The following ASCC3 variants were observed in gnomAD, a reference collection of about 807,000 sequenced individuals.
The protein encoded by ASCC3 is ASC-1 complex subunit P200.
In ASCC3, 158 loss-of-function variants were observed where a neutral mutation model predicts 256.3. That is an observed-to-expected ratio of 0.62 (90% CI 0.54 to 0.70). The LOEUF is 0.70. Among genes scored for constraint, ASCC3 ranks in the 30% least tolerant of loss-of-function variants. The pLI is 0.00. For synonymous variants in ASCC3, 948 were observed against 883.4 expected (o/e 1.07, Z -1.30); for missense variants, 2,259 against 2,626.0 (o/e 0.86, Z 3.05).
At chr6:100,717,655 G>T (rs1477473530) in intron 12 of ASCC3, among the ~76,000 whole-genome samples, 1 of 151,980 alleles carries the variant, frequency 6.6e-6, no homozygotes, top group East Asian at 1.9e-4. Flanking sequence ...TTGCTACTAT[G>T]ATATTATTTT....
intron 5 of ASCC3, among the ~76,000 whole-genome samples, chr6:100,801,014 C>T (rs1769891530): frequency 6.6e-6 from 1 of 151,916 alleles, no homozygotes; most frequent in African/African-American, 2.4e-5. Flanking sequence ...TAGTTCAAGA[C>T]ATATTTGAGA....
chr6:100,710,317 C>T (rs1778802734), intron 13 of ASCC3, among the ~76,000 whole-genome samples: 1 of 152,120 alleles, frequency 6.6e-6, no homozygotes, highest in South Asian at 2.1e-4. Context: ...TGTGTGCATT[C>T]TCCATTCCTA....
chr6:100,798,373 T>G (rs1769737446), intron 8 of ASCC3, among the ~76,000 whole-genome samples: 1 of 152,038 alleles, frequency 6.6e-6, no homozygotes, highest in Non-Finnish European at 1.5e-5. Flanking sequence ...TGTATTCTAT[T>G]TTATTATAGG....
chr6:100,754,487 CT>C (rs1442976881), intron 10 of ASCC3, among the ~76,000 whole-genome samples: 3 of 152,266 alleles, frequency 2.0e-5, no homozygotes, highest in African/African-American at 7.2e-5. Context: ...TATACTTTTA[CT>C]TATTTTAAAA....
chr6:100,534,360 A>G (rs1337208804), intron 37 of ASCC3, among the ~76,000 whole-genome samples: 1 of 152,238 alleles, frequency 6.6e-6, no homozygotes, highest in Non-Finnish European at 1.5e-5. Context: ...TTTGTCACCA[A>G]ATTTGAACAT....
intron 14 of ASCC3, among the ~76,000 whole-genome samples, chr6:100,666,488 A>G (rs796988411): frequency 1.6e-4 from 25 of 152,240 alleles, no homozygotes; most frequent in African/African-American, 5.5e-4. Context: ...CTTCCCATAC[A>G]TTATATAATT....
At position 100,848,427 on chromosome 6, in the gene ASCC3, A is replaced by T. The variant is rs1453560487; in HGVS notation, c.522T>A (p.His174Gln). ...GKNLAFSFDMHDLDHFDELPI... is the reference protein window; with the variant it reads ...GKNLAFSFDMQDLDHFDELPI... Reference sequence around the variant, plus strand: ...GCAGTTCGTCAAAGTGGTCCAAATCATGCATGTCAAATGAAAATGCTAAAT... The same window carrying T: ...GCAGTTCGTCAAAGTGGTCCAAATCTTGCATGTCAAATGAAAATGCTAAAT... The change falls in exon 4 of 42, where the codon CAT becomes CAA. Residue 174 changes from histidine (H) to glutamine (Q), a missense_variant. By Grantham distance (24) the His-to-Gln change is conservative. Coordinates refer to ENST00000369162, the MANE Select transcript of ASCC3 (RefSeq NM_006828.4). 1.2e-6 allele frequency: 2 copies of T among 1,612,326 alleles called. No individual in the cohort carries two copies. The highest frequency in any genetic ancestry group is 2.2e-5 in the South Asian group (2 of 90,688).
chr6:100,719,970 T>C (rs1779249849), intron 11 of ASCC3, among the ~76,000 whole-genome samples: 1 of 151,968 alleles, frequency 6.6e-6, no homozygotes, highest in South Asian at 2.1e-4. Context: ...TAGTGCCTAA[T>C]ATCATCATGT....
intron 30 of ASCC3, among the ~76,000 whole-genome samples, chr6:100,623,318 G>A (rs1165822442): frequency 1.3e-5 from 2 of 152,008 alleles, no homozygotes; most frequent in Admixed American, 6.6e-5. Flanking sequence ...TAAAATGATC[G>A]CTATTACTCT....
At chr6:100,803,350 G>A (rs1189701013) in intron 5 of ASCC3, among the ~76,000 whole-genome samples, 1 of 152,116 alleles carries the variant, frequency 6.6e-6, no homozygotes, top group Non-Finnish European at 1.5e-5. Flanking sequence ...TAGTGATAGT[G>A]ATTGAGTTCT....
chr6:100,664,306 G>A lies in ASCC3; in HGVS notation c.2287-1770C>T, dbSNP rs141193032. Among the ~76,000 whole-genome samples the A allele has an allele frequency of 3.4e-3, 514 of 152,054 alleles. 3 individuals carry two copies. The highest frequency in any genetic ancestry group is 0.012 in the African/African-American group (492 of 41,504). On this transcript the variant is annotated intron_variant, in intron 14 of 41. Coordinates refer to ENST00000369162, the MANE Select transcript of ASCC3 (RefSeq NM_006828.4). ...TTCAGGGGACTGGGGTTCCATTCTA[G>A]ACTTTGCCATACTGATTATCTCTCA...
intron 30 of ASCC3, among the ~76,000 whole-genome samples, chr6:100,613,641 G>A (rs1224660273): frequency 2.0e-5 from 3 of 152,124 alleles, no homozygotes; most frequent in Non-Finnish European, 2.9e-5. Flanking sequence ...ATAAATATAT[G>A]AGTGCAGGTA....
chr6:100,518,195 C>T (rs1236791961), intron 37 of ASCC3, 53 bp from the exon 38 acceptor site: 1 of 1,592,726 alleles, frequency 6.3e-7, no homozygotes, highest in African/African-American at 1.3e-5. Flanking sequence ...TACTTGCCCC[C>T]TCCACTGGGA....
rs1303384551 is a variant in ASCC3 at position 100,608,186 on chromosome 6, G to GTATATATATACTTTATATATATACTT, written c.4786-1124_4786-1099dup. Among the ~76,000 whole-genome samples the GTATATATATACTTTATATATATACTT allele has an allele frequency of 1.5e-4, 4 of 26,166 alleles. No homozygotes were observed. The South Asian group carries it at 3.8e-3, about 25-fold the overall frequency. 17.2% of individuals were successfully genotyped at this position (26,166 alleles called of 152,430 possible). ...TATATACATATTTATATATGTGTGT[G>GTATATATATACTTTATATATATACTT]TATATATATACTTTATATATATACT... On this transcript the variant is annotated intron_variant, in intron 30 of 41. Coordinates refer to ENST00000369162, the MANE Select transcript of ASCC3 (RefSeq NM_006828.4).
At chr6:100,619,345 G>A (rs886118055) in intron 30 of ASCC3, among the ~76,000 whole-genome samples, 1 of 152,128 alleles carries the variant, frequency 6.6e-6, no homozygotes, top group African/African-American at 2.4e-5. Context: ...ACAAAATGTG[G>A]TCTCAGTATA....
chr6:100,739,862 G>T (rs1486283495), intron 10 of ASCC3, among the ~76,000 whole-genome samples: 1 of 151,732 alleles, frequency 6.6e-6, no homozygotes, highest in African/African-American at 2.4e-5. Context: ...TAACAATTTT[G>T]TTAATTTTTT....
At chr6:100,612,128 T>C (rs954693158) in intron 30 of ASCC3, among the ~76,000 whole-genome samples, 2 of 152,062 alleles carry the variant, frequency 1.3e-5, no homozygotes, top group Non-Finnish European at 2.9e-5. Flanking sequence ...AACCATTTAC[T>C]TTAACTTAAT....
At chr6:100,854,753 T>C (rs897878774) in intron 3 of ASCC3, among the ~76,000 whole-genome samples, 5 of 152,072 alleles carry the variant, frequency 3.3e-5, no homozygotes, top group Non-Finnish European at 5.9e-5. Context: ...ATAGCTAACA[T>C]AAAAGTTTGA....
intron 25 of ASCC3, among the ~76,000 whole-genome samples, chr6:100,635,331 G>A (rs1001896037): frequency 3.3e-5 from 5 of 152,084 alleles, no homozygotes; most frequent in African/African-American, 9.6e-5. Flanking sequence ...AGTGAAATAC[G>A]CCAGACATAG....
Sources: gnomAD v4.1 joint callset for allele counts (sites outside exome capture counted in the v4.1 genomes callset) on GRCh38, gnomAD v4.1.1 for gene constraint, MANE v1.5 for transcripts, NCBI Gene and HGNC (gene_info 2026-07-23, HGNC 2026-07-21) for gene names.